DSG1: variants seen among roughly 807,000 people sequenced by gnomAD.
DSG1 encodes the protein desmoglein 1.
A neutral mutation model predicts 97.5 loss-of-function variants in DSG1; 39 were observed. That is an observed-to-expected ratio of 0.40 (90% CI 0.31 to 0.52). The LOEUF (loss-of-function observed/expected upper bound fraction) is 0.52. Among genes scored for constraint, DSG1 ranks in the 20% least tolerant of loss-of-function variants. The pLI is 0.53. For synonymous variants in DSG1, 475 were observed against 443.4 expected (o/e 1.07, Z -0.90); for missense variants, 1,311 against 1,295.4 (o/e 1.01, Z -0.18).
intron 2 of DSG1, 107 bp from the exon 3 acceptor site, chr18:31,326,767 T>G (rs1459021824): frequency 1.4e-6 from 2 of 1,436,446 alleles, no homozygotes; most frequent in African/African-American, 2.8e-5. Flanking sequence ...TTTTCCCAAT[T>G]AAACATCCTC....
Position 31,358,956 on chromosome 18 carries a change from G to A in DSG1, c.*3610G>A, listed in dbSNP as rs2071980606. Reference sequence around the variant, plus strand: ...TAATTTTAAAACAATGTGTAATCTTGTTTGTCTACATTCTCTCCCCAGTTT... The same window carrying A: ...TAATTTTAAAACAATGTGTAATCTTATTTGTCTACATTCTCTCCCCAGTTT... On this transcript the variant is annotated 3_prime_UTR_variant, in exon 15 of 15. Coordinates refer to ENST00000257192, the MANE Select transcript of DSG1 (RefSeq NM_001942.4). Among the ~76,000 whole-genome samples the A allele has an allele frequency of 6.6e-6, 1 of 152,042 alleles. No homozygotes were observed. Among genetic ancestry groups the A allele is most frequent in the South Asian group, 2.1e-4 (1 of 4,816 alleles).
At chr18:31,332,978 T>C (rs1406149977) in intron 6 of DSG1, among the ~76,000 whole-genome samples, 1 of 152,188 alleles carries the variant, frequency 6.6e-6, no homozygotes, top group Non-Finnish European at 1.5e-5. Context: ...AGGGCAGATA[T>C]TCTCAACCTG....
intron 10 of DSG1, among the ~76,000 whole-genome samples, chr18:31,339,195 C>T (rs2071773132): frequency 6.6e-6 from 1 of 151,914 alleles, no homozygotes; most frequent in Non-Finnish European, 1.5e-5. Flanking sequence ...GGTAAGTAAA[C>T]CATGGTCCAT....
At position 31,339,855 on chromosome 18, in the gene DSG1, G is replaced by A; in HGVS notation, c.1517G>A (p.Arg506Lys). ...PNTKITTNTG[R>K]QESTSSTNYD... ...ACTAAAATTACTACCAATACTGGCAGACAAGAAAGTACTTCTTCCACTAAC... is the reference window on the plus strand; with the variant it reads ...ACTAAAATTACTACCAATACTGGCAAACAAGAAAGTACTTCTTCCACTAAC... Residue 506 changes from arginine (R) to lysine (K), a missense_variant, in exon 11 of 15, where the codon AGA becomes AAA. Transcript: ENST00000257192. 1 of 1,614,062 alleles carries A rather than the reference G, an allele frequency of 6.2e-7. No homozygotes were observed. Among genetic ancestry groups the A allele is most frequent in the East Asian group, 2.2e-5 (1 of 44,860 alleles).
At chr18:31,339,659 T>C in intron 10 of DSG1, 85 bp from the exon 11 acceptor site, 1 of 1,052,224 alleles carries the variant, frequency 9.5e-7, no homozygotes, top group South Asian at 1.5e-5. Flanking sequence ...GAAATAAATG[T>C]TAATGTAAAA....
chr18:31,339,722 T>C, intron 10 of DSG1, 22 bp from the exon 11 acceptor site: 3 of 1,571,812 alleles, frequency 1.9e-6, no homozygotes, highest in Non-Finnish European at 2.6e-6. Context: ...AAATATTTCT[T>C]CCATTTTGAA....
chr18:31,318,758 A>G (rs576317095), intron 1 of DSG1, among the ~76,000 whole-genome samples: 1 of 151,756 alleles, frequency 6.6e-6, no homozygotes. Flanking sequence ...TTGGTGGTGG[A>G]ATTACTCTAA....
At chr18:31,318,829 C>T (rs939242330) in intron 1 of DSG1, among the ~76,000 whole-genome samples, 1 of 151,766 alleles carries the variant, frequency 6.6e-6, no homozygotes, top group Non-Finnish European at 1.5e-5. Flanking sequence ...TGGCTGGTCT[C>T]GCTATCCAAA....
At chr18:31,322,550 G>T (rs1012240950) in intron 1 of DSG1, among the ~76,000 whole-genome samples, 3 of 152,102 alleles carry the variant, frequency 2.0e-5, no homozygotes, top group African/African-American at 4.8e-5. Context: ...ATAAATTAGA[G>T]AATTCAACCC....
In DSG1 at chr18:31,354,396, G is replaced by T. The variant is rs202198738; in HGVS notation, c.2200G>T (p.Gly734Cys). 3.9e-4 allele frequency: 631 copies of T among 1,614,072 alleles called. 2 individuals carry two copies. Among genetic ancestry groups the T allele is most frequent in the Non-Finnish European group, 5.1e-4 (599 of 1,180,050 alleles). Residue 734 changes from glycine (G) to cysteine (C), a missense_variant, in exon 15 of 15, where the codon GGT becomes TGT. Around this residue, in one of 3 missense-constraint regions of DSG1, gnomAD observed 1,038 missense variants for 964.6 expected, o/e 1.08. Coordinates refer to ENST00000257192, the MANE Select transcript of DSG1 (RefSeq NM_001942.4). ...EGVGSPAGSV[G>C]CCSFIGEDLD... The stretch of plus-strand genomic sequence containing the variant: ...TGTAGGTTCCCCTGCTGGCTCTGTG[G>T]GTTGTTGTAGCTTCATTGGAGAAGA...
rs1365053249 is a variant in DSG1 at position 31,338,330 on chromosome 18, T to C, written c.1281T>C (p.Asn427=). ...TCAAATACAGGTATGTAATGGGAAA[T>C]AATCCAGCTGACCTGCTAGCTGTTG... ...PSTTVRYVMG[N]NPADLLAVDS... The change falls in exon 10 of 15, where the codon AAT becomes AAC. Residue 427 remains asparagine (N), a synonymous_variant. Coordinates refer to ENST00000257192, the MANE Select transcript of DSG1 (RefSeq NM_001942.4). The C allele has an allele frequency of 2.5e-6, 4 of 1,613,772 alleles. No homozygotes were observed. Among genetic ancestry groups the C allele is most frequent in the Non-Finnish European group, 3.4e-6 (4 of 1,179,794 alleles).
chr18:31,330,577 T>C (rs770884639), intron 5 of DSG1, among the ~76,000 whole-genome samples: 11 of 152,272 alleles, frequency 7.2e-5, no homozygotes, highest in Middle Eastern at 3.4e-3. Context: ...AGTGTTATTA[T>C]AAAATGCTCA....
chr18:31,355,034 C>G lies in DSG1; in HGVS notation c.2838C>G (p.Ala946=). The change falls in exon 15 of 15, where the codon GCC becomes GCG. Residue 946 remains alanine, a synonymous_variant. Transcript: ENST00000257192. ...GTATGCACCCCGAGTTAGCCAATGC[C>G]CACAATGTCATTGTGACAGAGAGGG... ...SLSMHPELAN[A]HNVIVTERVV... 6.2e-7 allele frequency: 1 copy of G among 1,614,158 alleles called. No individual in the cohort carries two copies. Among genetic ancestry groups the G allele is most frequent in the Non-Finnish European group, 8.5e-7 (1 of 1,180,016 alleles).
Position 31,336,659 on chromosome 18 carries a change from A to G in DSG1, c.1265+46A>G. ...TAATTTTCCTTACATATTGAACTTAAGTACATATGTTCTTTTTATAGATTA... is the reference window on the plus strand; with the variant it reads ...TAATTTTCCTTACATATTGAACTTAGGTACATATGTTCTTTTTATAGATTA... On this transcript the variant is annotated intron_variant, in intron 9 of 14. Coordinates refer to ENST00000257192, the MANE Select transcript of DSG1 (RefSeq NM_001942.4). 2.5e-6 allele frequency: 4 copies of G among 1,574,804 alleles called. No homozygotes were observed. The African/African-American group carries it at 5.4e-5, about 21-fold the overall frequency.
At chr18:31,331,644 T>TCTA in intron 5 of DSG1, 57 bp from the exon 6 acceptor site, 2 of 1,534,078 alleles carry the variant, frequency 1.3e-6, no homozygotes, top group Middle Eastern at 1.8e-4. Flanking sequence ...GGTGATATAC[T>TCTA]CTACTGTAAC....
intron 1 of DSG1, among the ~76,000 whole-genome samples, chr18:31,325,788 A>AAT (rs1221804017): frequency 2.2e-4 from 33 of 152,144 alleles, no homozygotes; most frequent in Non-Finnish European, 4.6e-4. Context: ...TTTTATTGTA[A>AAT]AACCCACAGC....
chr18:31,321,113 A>G (rs532178618), intron 1 of DSG1, among the ~76,000 whole-genome samples: 4 of 129,730 alleles, frequency 3.1e-5, no homozygotes, highest in African/African-American at 1.0e-4. Flanking sequence ...ACAAACAAAA[A>G]AAAACCCAAC....
chr18:31,320,345 C>T (rs1488700874), intron 1 of DSG1, among the ~76,000 whole-genome samples: 5 of 152,058 alleles, frequency 3.3e-5, no homozygotes, highest in East Asian at 1.9e-4. Flanking sequence ...AGTCAATAAG[C>T]GGGAACCTGC....
chr18:31,343,262 C>A, intron 11 of DSG1, 188 bp from the exon 12 acceptor site: 1 of 752,486 alleles, frequency 1.3e-6, no homozygotes, highest in Non-Finnish European at 2.2e-6. Context: ...TGACTGCAGT[C>A]TAATATACAG....
Sources: gnomAD v4.1 joint callset for allele counts (sites outside exome capture counted in the v4.1 genomes callset) on GRCh38, gnomAD v4.1.1 for gene constraint, gnomAD v4.1.1 regional missense constraint, MANE v1.5 for transcripts, NCBI Gene and HGNC (gene_info 2026-07-23, HGNC 2026-07-21) for gene names.